VTI1A: variants seen among roughly 807,000 people sequenced by gnomAD.
The protein encoded by VTI1A is vesicle transport through interaction with t-SNAREs 1A.
In VTI1A, 22 loss-of-function variants were observed where a neutral mutation model predicts 34.9. The ratio of observed to expected loss-of-function variants is 0.63; its 90% confidence interval spans 0.45 to 0.90. The LOEUF (loss-of-function observed/expected upper bound fraction) is 0.90. VTI1A is among the 40% of genes least tolerant of loss of function. The pLI is 0.00. For missense variants in VTI1A, 268 were observed against 275.6 expected (o/e 0.97, Z 0.20); for synonymous variants, 87 against 97.3 (o/e 0.89, Z 0.62).
chr10:112,826,556 A>G, the VTI1A span: 1 of 152,200 alleles, frequency 6.6e-6, no homozygotes, highest in Non-Finnish European at 1.5e-5. Context: ...GTGTGCAAAG[A>G]CCAGTCCTCA....
intron 5 of VTI1A, among the ~76,000 whole-genome samples, chr10:112,611,557 A>T (rs1030530891): frequency 3.3e-5 from 5 of 152,158 alleles, no homozygotes; most frequent in Non-Finnish European, 7.3e-5. Context: ...TGAGTTCCTT[A>T]GAGGTCATCA....
intron 7 of VTI1A, among the ~76,000 whole-genome samples, chr10:112,779,664 G>C (rs1020366677): frequency 1.3e-5 from 2 of 152,076 alleles, no homozygotes; most frequent in African/African-American, 4.8e-5. Context: ...AAGTTTCTTT[G>C]GCAGTCAAAT....
intron 5 of VTI1A, among the ~76,000 whole-genome samples, chr10:112,567,269 T>C (rs1156778291): frequency 6.6e-6 from 1 of 152,136 alleles, no homozygotes; most frequent in Non-Finnish European, 1.5e-5. Context: ...GCTGAAGTGA[T>C]CCACCTGCCT....
In VTI1A at chr10:112,594,161, C is replaced by T. The variant is rs980887164; in HGVS notation, c.427+55831C>T. ...TGCCTGACCTTGTGATCCGCCTCGG[C>T]CTCCCAAAGTGCTGGGATTACAGGC... On this transcript the variant is annotated intron_variant, in intron 5 of 7. Transcript: ENST00000393077. Among the ~76,000 whole-genome samples, 3 of 152,260 alleles carry T rather than the reference C, an allele frequency of 2.0e-5. No homozygotes were observed. The East Asian group carries it at 5.8e-4, about 29-fold the overall frequency.
At chr10:112,582,020 T>C (rs2134401376) in intron 5 of VTI1A, among the ~76,000 whole-genome samples, 1 of 152,316 alleles carries the variant, frequency 6.6e-6, no homozygotes, top group Non-Finnish European at 1.5e-5. Context: ...ATTTCTGTCT[T>C]AGTCAGCTCA....
At chr10:112,464,076 G>A (rs1847816530) in intron 2 of VTI1A, among the ~76,000 whole-genome samples, 2 of 152,186 alleles carry the variant, frequency 1.3e-5, no homozygotes, top group Non-Finnish European at 2.9e-5. Context: ...TCAGCTCACT[G>A]CAACCTCTGC....
rs141177167 is a variant in VTI1A, at chr10:112,652,252, C to T, written c.428-15966C>T. ...CACCATGAAGATTTTCACAAGGGGA[C>T]GCAGATAAATGGATGGTGAAAACAG... On this transcript the variant is annotated intron_variant, in intron 5 of 7. Transcript: ENST00000393077. 5.1e-4 allele frequency among the ~76,000 whole-genome samples: 78 copies of T among 152,218 alleles called. 3 individuals are homozygous for T. The East Asian group carries it at 0.014, about 28-fold the overall frequency.
chr10:112,554,748 T>C (rs1851485466), intron 5 of VTI1A, among the ~76,000 whole-genome samples: 1 of 152,116 alleles, frequency 6.6e-6, no homozygotes, highest in East Asian at 1.9e-4. Context: ...GTTTGGGTAC[T>C]AGTAAATGCT....
intron 4 of VTI1A, among the ~76,000 whole-genome samples, chr10:112,531,309 T>C (rs1427883086): frequency 6.6e-6 from 1 of 152,120 alleles, no homozygotes; most frequent in Non-Finnish European, 1.5e-5. Flanking sequence ...AGAAAAGATG[T>C]TGATTATCAT....
the VTI1A span, chr10:112,831,097 A>T: frequency 2.0e-5 from 3 of 151,280 alleles, no homozygotes; most frequent in Admixed American, 6.6e-5. Context: ...AGGCTGGTAC[A>T]AGGCCTGTTT....
rs549165004 is a variant in VTI1A, at chr10:112,815,739, C to T, written c.*356C>T. ...GGGAGAGGACATGATGAGTCAGTCA[C>T]GAGAGCTTCTGTTTGTCACCCGCCT... On this transcript the variant is annotated 3_prime_UTR_variant, in exon 8 of 8. Coordinates refer to ENST00000393077, the MANE Select transcript of VTI1A (RefSeq NM_145206.4). The T allele has an allele frequency of 2.9e-5, 8 of 280,700 alleles. No individual in the cohort carries two copies. The East Asian group carries it at 4.3e-4, about 15-fold the overall frequency. The allele number at this position is 280,700 out of a possible 1,614,324, so 17.4% of individuals were successfully genotyped here. A position where few individuals can be genotyped will look rare whatever the true frequency, so the allele number is the denominator to read the frequency against.
chr10:112,501,721 TAA>T (rs1169959345), intron 3 of VTI1A, among the ~76,000 whole-genome samples: 2 of 150,996 alleles, frequency 1.3e-5, no homozygotes, highest in African/African-American at 4.9e-5. Flanking sequence ...TGTTTGCTTT[TAA>T]ATTGAATAGT....
intron 7 of VTI1A, among the ~76,000 whole-genome samples, chr10:112,692,814 A>G (rs1372662888): frequency 6.6e-6 from 1 of 152,220 alleles, no homozygotes; most frequent in Non-Finnish European, 1.5e-5. Flanking sequence ...AGTGGTCTGC[A>G]CACATCACAG....
rs573456125 is a variant in VTI1A, at chr10:112,786,003, G to GC, written c.561-29280dup. Reference sequence around the variant, plus strand: ...TAAGAATTCCCATTTCATTTTCACCGCCCCCCCAAAAAAAAATGCTTGCTG... The same window carrying GC: ...TAAGAATTCCCATTTCATTTTCACCGCCCCCCCCAAAAAAAAATGCTTGCTG... On this transcript the variant is annotated intron_variant, in intron 7 of 7. Transcript: ENST00000393077. 5.3e-3 allele frequency among the ~76,000 whole-genome samples: 804 copies of GC among 150,872 alleles called. 8 individuals are homozygous for GC. Among genetic ancestry groups the GC allele is most frequent in the African/African-American group, 0.018 (756 of 41,122 alleles).
At chr10:112,677,307 C>T (rs922606930) in intron 7 of VTI1A, among the ~76,000 whole-genome samples, 5 of 152,170 alleles carry the variant, frequency 3.3e-5, no homozygotes, top group Non-Finnish European at 5.9e-5. Flanking sequence ...ACCTCATTCT[C>T]CCTCAAGCCT....
At chr10:112,642,362 C>T (rs961844704) in intron 5 of VTI1A, among the ~76,000 whole-genome samples, 7 of 152,232 alleles carry the variant, frequency 4.6e-5, no homozygotes, top group Admixed American at 6.5e-5. Context: ...TCTGATCCCC[C>T]CCTCTCCATC....
intron 7 of VTI1A, among the ~76,000 whole-genome samples, chr10:112,705,531 A>C (rs1224897706): frequency 6.6e-6 from 1 of 151,878 alleles, no homozygotes; most frequent in Admixed American, 6.6e-5. Context: ...CGACACACAC[A>C]CATTTCTGGG....
At chr10:112,737,195 C>A in intron 7 of VTI1A, 1 of 491,816 alleles carries the variant, frequency 2.0e-6, no homozygotes, top group Non-Finnish European at 2.8e-6. Flanking sequence ...CTCAGCCTCC[C>A]AAGTAGCTGG....
intron 7 of VTI1A, among the ~76,000 whole-genome samples, chr10:112,682,015 A>G (rs745716598): frequency 1.7e-4 from 26 of 152,324 alleles, no homozygotes; most frequent in Admixed American, 3.3e-4. Context: ...TTCATTTTCT[A>G]TTCTGTATAC....
Sources: gnomAD v4.1 joint callset for allele counts (sites outside exome capture counted in the v4.1 genomes callset) on GRCh38, gnomAD v4.1.1 for gene constraint, MANE v1.5 for transcripts, NCBI Gene and HGNC (gene_info 2026-07-23, HGNC 2026-07-21) for gene names.